DMTN: variants seen among roughly 807,000 people sequenced by gnomAD.
DMTN encodes the protein dematin.
Under a neutral mutation model 59.4 loss-of-function variants are expected in DMTN, and 27 were observed. That is an observed-to-expected ratio of 0.45 (90% CI 0.33 to 0.63). DMTN has a LOEUF of 0.63. Ranked by LOEUF, DMTN falls within the 20% of genes least tolerant of loss-of-function variation. The pLI is 0.02. For missense variants in DMTN, 451 were observed against 528.9 expected, an observed-to-expected ratio of 0.85 and a Z score of 1.45; for synonymous variants, 221 against 203.7, an observed-to-expected ratio of 1.08 and a Z score of -0.72.
intron 1 of DMTN, among the ~76,000 whole-genome samples, chr8:22,065,645 C>T (rs568629326): frequency 1.8e-4 from 27 of 152,066 alleles, no homozygotes; most frequent in African/African-American, 6.5e-4. Flanking sequence ...GAGTTCAGGA[C>T]CAGCCTGGCC....
intron 1 of DMTN, among the ~76,000 whole-genome samples, chr8:22,063,949 G>T (rs377604540): frequency 1.2e-4 from 19 of 152,294 alleles, no homozygotes; most frequent in African/African-American, 1.4e-4. Context: ...ACAGAGTCCT[G>T]CTCTGTGTTC....
intron 10 of DMTN, among the ~76,000 whole-genome samples, chr8:22,076,617 A>C (rs1382672088): frequency 6.6e-6 from 1 of 151,198 alleles, no homozygotes; most frequent in East Asian, 1.9e-4. Flanking sequence ...TATATATGTC[A>C]CTATATATAT....
chr8:22,052,143 C>T (rs184282418), upstream of DMTN, among the ~76,000 whole-genome samples: 7 of 152,366 alleles, frequency 4.6e-5, no homozygotes, highest in East Asian at 1.2e-3. Flanking sequence ...GCGACTGTCT[C>T]CACTGCCACT....
intron 1 of DMTN, among the ~76,000 whole-genome samples, chr8:22,066,257 G>A (rs1055294579): frequency 2.0e-5 from 3 of 152,250 alleles, no homozygotes; most frequent in Admixed American, 6.5e-5. Flanking sequence ...TTCGGAGTGC[G>A]GATGTCAGGT....
chr8:22,052,560 A>G (rs888813131), upstream of DMTN, among the ~76,000 whole-genome samples: 2 of 152,192 alleles, frequency 1.3e-5, no homozygotes, highest in Admixed American at 1.3e-4. Flanking sequence ...CATGGACAAG[A>G]TAGAGCTCTC....
At chr8:22,049,789 T>C (rs747219308), upstream of DMTN, among the ~76,000 whole-genome samples, 17 of 152,236 alleles carry the variant, frequency 1.1e-4, no homozygotes, top group Middle Eastern at 3.4e-3. Context: ...CCCTCTTCTT[T>C]CTGAGACTAC....
chr8:22,075,721 G>A lies in DMTN; in HGVS notation c.835+1886G>A, dbSNP rs564772890. 6.1e-4 allele frequency among the ~76,000 whole-genome samples: 93 copies of A among 152,158 alleles called. 1 individual carries two copies. The South Asian group carries it at 1.0e-2, about 16-fold the overall frequency. On this transcript the variant is annotated intron_variant, in intron 10 of 15. Transcript: ENST00000358242. Reference sequence around the variant, plus strand: ...TTTATTAGAGACGGGGTTTCGCCATGTTGGCCAGGCTGCTCTCAAATTCCT... The same window carrying A: ...TTTATTAGAGACGGGGTTTCGCCATATTGGCCAGGCTGCTCTCAAATTCCT...
chr8:22,063,495 G>A (rs1358545127), intron 1 of DMTN, among the ~76,000 whole-genome samples: 1 of 152,198 alleles, frequency 6.6e-6, no homozygotes, highest in South Asian at 2.1e-4. Context: ...AACAGATTAC[G>A]ACCTAACCCT....
At chr8:22,076,175 CCCCATG>C (rs1249467425) in intron 10 of DMTN, among the ~76,000 whole-genome samples, 7 of 152,022 alleles carry the variant, frequency 4.6e-5, no homozygotes, top group African/African-American at 1.7e-4. Context: ...GTTTGAAGTG[CCCCATG>C]TACAGCACTG....
chr8:22,081,004 G>T, intron 14 of DMTN, 109 bp from the exon 15 acceptor site: 1 of 1,474,922 alleles, frequency 6.8e-7, no homozygotes, highest in Non-Finnish European at 9.4e-7. Flanking sequence ...GAGACAGAGG[G>T]CAAGATGGCA....
intron 1 of DMTN, among the ~76,000 whole-genome samples, chr8:22,061,780 A>C (rs1316543398): frequency 6.9e-6 from 1 of 144,504 alleles, no homozygotes; most frequent in Non-Finnish European, 1.5e-5. Context: ...TGGAGACAGA[A>C]TCTCACTCTG....
At chr8:22,063,265 T>A (rs899618810) in intron 1 of DMTN, among the ~76,000 whole-genome samples, 1 of 152,152 alleles carries the variant, frequency 6.6e-6, no homozygotes, top group African/African-American at 2.4e-5. Context: ...GTTTCTCCCA[T>A]TTGCCCTCTC....
At chr8:22,067,418 C>G in intron 3 of DMTN, 109 bp from the exon 4 acceptor site, 1 of 1,470,874 alleles carries the variant, frequency 6.8e-7, no homozygotes, top group Non-Finnish European at 9.2e-7. Flanking sequence ...TTGTTAACGT[C>G]TGCAATGGCG....
chr8:22,078,958 G>A (rs1338644115), intron 10 of DMTN, among the ~76,000 whole-genome samples: 3 of 151,554 alleles, frequency 2.0e-5, no homozygotes, highest in East Asian at 1.9e-4. Context: ...TACCACGCCC[G>A]GCTAATTTGT....
At chr8:22,078,867 G>A (rs540639848) in intron 10 of DMTN, among the ~76,000 whole-genome samples, 3 of 136,340 alleles carry the variant, frequency 2.2e-5, no homozygotes, top group East Asian at 2.3e-4. Flanking sequence ...CGTGATCTCC[G>A]CTCACTGCAA....
chr8:22,066,808 T>C lies in DMTN; in HGVS notation c.-68T>C. 1 of 1,412,494 alleles carries C rather than the reference T, an allele frequency of 7.1e-7. No homozygotes were observed. Among genetic ancestry groups the C allele is most frequent in the East Asian group, 3.1e-5 (1 of 31,930 alleles). 87.5% of individuals were successfully genotyped at this position (1,412,494 alleles called of 1,614,324 possible). A position where few individuals can be genotyped will look rare whatever the true frequency, so the allele number is the denominator to read the frequency against. ...CAGCGCCCAGCAGCCGCGCCGAGCCTGACACGCTGTCCTCTCCCCTCGCGC... is the reference window on the plus strand; with the variant it reads ...CAGCGCCCAGCAGCCGCGCCGAGCCCGACACGCTGTCCTCTCCCCTCGCGC... On this transcript the variant is annotated 5_prime_UTR_variant, in exon 2 of 16. An upstream open reading frame in the 5' UTR loses its in-frame stop. Transcript: ENST00000358242.
chr8:22,069,257 A>G lies in DMTN; in HGVS notation c.295-162A>G, dbSNP rs74795088. 1,920 of 846,404 alleles carry G rather than the reference A, an allele frequency of 2.3e-3. 33 individuals are homozygous for G. In the African/African-American group the frequency reaches 0.03, roughly 13 times the overall value. 52.4% of individuals were successfully genotyped at this position (846,404 alleles called of 1,614,324 possible). A position where few individuals can be genotyped will look rare whatever the true frequency, so the allele number is the denominator to read the frequency against. The stretch of plus-strand genomic sequence containing the variant: ...TCAACCCTTTCTCCCTGGGCCAGGC[A>G]CCATCAGTAGGTCCTTGGAACTGTG... On this transcript the variant is annotated intron_variant, in intron 5 of 15. Coordinates refer to ENST00000358242, the MANE Select transcript of DMTN (RefSeq NM_001387751.1).
At chr8:22,078,360 G>A (rs1332618739) in intron 10 of DMTN, among the ~76,000 whole-genome samples, 2 of 139,454 alleles carry the variant, frequency 1.4e-5, no homozygotes, top group South Asian at 4.3e-4. Flanking sequence ...GTGAGACTCT[G>A]TATCAAAAAA....
At chr8:22,053,179 A>G (rs1801533449), upstream of DMTN, among the ~76,000 whole-genome samples, 1 of 152,196 alleles carries the variant, frequency 6.6e-6, no homozygotes. Context: ...AAATTTGTGT[A>G]GAGAAGTGGC....
Sources: allele counts gnomAD v4.1 joint callset (sites outside exome capture counted in the v4.1 genomes callset), GRCh38; gene constraint gnomAD v4.1.1; transcripts MANE v1.5; gene names NCBI Gene and HGNC (gene_info 2026-07-23, HGNC 2026-07-21).